Variants in FOSB observed in about 807,000 individuals in gnomAD.
The protein encoded by FOSB is FosB proto-oncogene, AP-1 transcription factor subunit, also known as protein FosB.
A neutral mutation model predicts 31.1 loss-of-function variants in FOSB; 8 were observed. The ratio of observed to expected loss-of-function variants is 0.26; its 90% CI spans 0.15 to 0.46. The LOEUF (loss-of-function observed/expected upper bound fraction) is 0.46, where lower values mean the gene tolerates loss of function less well. FOSB is among the 20% of genes least tolerant of loss of function. The pLI is 0.99. For synonymous variants in FOSB, 214 were observed against 206.1 expected (o/e 1.04, Z -0.33); for missense variants, 376 against 460.6 (o/e 0.82, Z 1.68).
At chr19:45,471,771 T>A (rs1026850881) in intron 3 of FOSB, 4 of 157,622 alleles carry the variant, frequency 2.5e-5, no homozygotes, top group African/African-American at 9.6e-5. Context: ...GCTGGTGGCA[T>A]CCCCCAAAAC....
chr19:45,468,663 T>C lies in FOSB; in HGVS notation c.77T>C (p.Leu26Pro). The stretch of plus-strand genomic sequence containing the variant: ...TCACCCTCTGCCGAGTCTCAATATC[T>C]GTCTTCGGTGGACTCCTTCGGCAGT... ...SSSPSAESQY[L>P]SSVDSFGSPP... Residue 26 changes from leucine to proline, a missense_variant, in exon 1 of 4, where the codon CTG (leucine) becomes CCG (proline). Leu to Pro is a moderately conservative substitution (Grantham distance 98). This residue lies in a region of FOSB where 193 missense variants were observed against 207.1 expected (regional missense o/e 0.93). Coordinates refer to ENST00000353609, the MANE Select transcript of FOSB (RefSeq NM_006732.3). The surrounding 1 kb of genome is among the most constrained non-coding windows in gnomAD (Gnocchi z 4.8). The C allele has an allele frequency of 6.2e-7, 1 of 1,613,546 alleles. No individual in the cohort carries two copies. The highest frequency in any genetic ancestry group is 8.5e-7 in the Non-Finnish European group (1 of 1,179,840).
chr19:45,473,134 C>T lies in FOSB; in HGVS notation c.*122C>T, dbSNP rs538143863. 5 of 851,174 alleles carry T rather than the reference C, an allele frequency of 5.9e-6. No homozygotes were observed. In the Admixed American group the frequency reaches 9.3e-5, roughly 16 times the overall value. The allele number at this position is 851,174 out of a possible 1,614,324, so 52.7% of individuals were successfully genotyped here. On this transcript the variant is annotated 3_prime_UTR_variant, in exon 4 of 4. Coordinates refer to ENST00000353609, the MANE Select transcript of FOSB (RefSeq NM_006732.3). ...AGTGGGTGTGTGGCCTCCCTGGCTC[C>T]TCCGTCTGACCCTCTGCGGCCACTG...
At position 45,472,667 on chromosome 19, in the gene FOSB, C is replaced by G. The variant is rs1274704314; in HGVS notation, c.672C>G (p.Ile224Met). Residue 224 changes from isoleucine (I) to methionine (M), a missense_variant, in exon 4 of 4, where the codon ATC (isoleucine) becomes ATG (methionine). By Grantham distance (10) the Ile-to-Met change is conservative. Around this residue, in one of 3 missense-constraint regions of FOSB, gnomAD observed 148 missense variants for 170.0 expected, o/e 0.87. Transcript: ENST00000353609. This position sits in a 1 kb window ranked among gnomAD's most constrained non-coding sequence, Gnocchi z 5.4. ...TGGCCCACAAACCGGGCTGCAAGAT[C>G]CCCTACGAAGAGGGGCCCGGGCCGG... ...VLVAHKPGCKIPYEEGPGPGP... is the reference protein window; with the variant it reads ...VLVAHKPGCKMPYEEGPGPGP... 6 of 1,601,904 alleles carry G rather than the reference C, an allele frequency of 3.7e-6. No individual in the cohort carries two copies. The highest frequency in any genetic ancestry group is 1.3e-5 in the African/African-American group (1 of 74,210).
At chr19:45,469,325 C>A (rs886089980) in intron 1 of FOSB, among the ~76,000 whole-genome samples, 2 of 152,234 alleles carry the variant, frequency 1.3e-5, no homozygotes, top group Non-Finnish European at 2.9e-5. Context: ...CCCTGACGTC[C>A]CGGGAGCGTT....
intron 3 of FOSB, 197 bp downstream of exon 3, chr19:45,471,498 C>A: frequency 2.3e-6 from 1 of 430,224 alleles, no homozygotes; most frequent in Admixed American, 3.3e-5. Context: ...ACTCCTGGTC[C>A]CCCCCCCATT....
chr19:45,471,904 C>T (rs1163592379), intron 3 of FOSB: 1 of 152,606 alleles, frequency 6.6e-6, no homozygotes, highest in East Asian at 1.9e-4. Context: ...TTTCTCTTCC[C>T]CGGGAGGTAG....
In FOSB at chr19:45,472,689, CCGGGCCCGCTGG is replaced by C. The variant is rs1295581308; in HGVS notation, c.698_709del (p.Gly233_Ala236del). The C allele has an allele frequency of 4.4e-6, 7 of 1,608,116 alleles. No individual in the cohort carries two copies. The highest frequency in any genetic ancestry group is 5.9e-6 in the Non-Finnish European group (7 of 1,177,170). ...GATCCCCTACGAAGAGGGGCCCGGG[CCGGGCCCGCTGG>C]CGGAGGTGAGAGATTTGCCGGGCTC... On this transcript the variant is annotated inframe_deletion, in exon 4 of 4. Transcript: ENST00000353609. The surrounding 1 kb of genome is among the most constrained non-coding windows in gnomAD (Gnocchi z 5.4).
At chr19:45,470,487 T>C (rs2122147987) in intron 1 of FOSB, 142 bp from the exon 2 acceptor site, 1 of 824,470 alleles carries the variant, frequency 1.2e-6, no homozygotes. Flanking sequence ...GTGTTGTGGC[T>C]TTTTCCCTGT....
In FOSB at chr19:45,472,771, C is replaced by A; in HGVS notation, c.776C>A (p.Pro259Gln). Residue 259 changes from proline to glutamine, a missense_variant, in exon 4 of 4, where the codon CCG becomes CAG. Around this residue, in one of 3 missense-constraint regions of FOSB, gnomAD observed 148 missense variants for 170.0 expected, o/e 0.87. Transcript: ENST00000353609. This position sits in a 1 kb window ranked among gnomAD's most constrained non-coding sequence, Gnocchi z 5.4. The part of the protein sequence containing the change: ...EDGFSWLLPP[P>Q]PPPPLPFQTS... ...GGCTTCAGCTGGCTGCTGCCGCCCC[C>A]GCCACCACCGCCCCTGCCCTTCCAG... is the stretch of plus-strand genomic sequence containing the variant. 1 of 1,614,002 alleles carries A rather than the reference C, an allele frequency of 6.2e-7. No homozygotes were observed. The highest frequency in any genetic ancestry group is 8.5e-7 in the Non-Finnish European group (1 of 1,179,958).
Position 45,472,538 on chromosome 19 carries a change from T to A in FOSB, c.556-13T>A, listed in dbSNP as rs1967715318. 6.6e-7 allele frequency: 1 copy of A among 1,503,980 alleles called. No individual in the cohort carries two copies. The highest frequency in any genetic ancestry group is 8.9e-7 in the Non-Finnish European group (1 of 1,127,112). The allele number at this position is 1,503,980 out of a possible 1,614,324, so 93.2% of individuals were successfully genotyped here. On this transcript the variant is annotated splice_polypyrimidine_tract_variant and intron_variant, in intron 3 of 3. Coordinates refer to ENST00000353609, the MANE Select transcript of FOSB (RefSeq NM_006732.3). The surrounding 1 kb of genome is among the most constrained non-coding windows in gnomAD (Gnocchi z 5.4). ...CCTCTCTCTCTTCTGTGACCTGGCC[T>A]CCCTGGCCTCAGGAGACAGATCAGT...
intron 1 of FOSB, among the ~76,000 whole-genome samples, chr19:45,469,488 T>G (rs537731400): frequency 6.6e-6 from 1 of 152,188 alleles, no homozygotes; most frequent in African/African-American, 2.4e-5. Context: ...AACCCGTGGT[T>G]CCTTGGCGGC....
At chr19:45,471,654 C>A in intron 3 of FOSB, 1 of 203,924 alleles carries the variant, frequency 4.9e-6, no homozygotes, top group Non-Finnish European at 1.0e-5. Flanking sequence ...TCCATCTCTG[C>A]AAACCCTCAT....
intron 1 of FOSB, among the ~76,000 whole-genome samples, chr19:45,469,412 C>T (rs1599885732): frequency 6.6e-6 from 1 of 152,386 alleles, no homozygotes. Context: ...GGGCGCACGC[C>T]TTGGCCAATC....
intron 1 of FOSB, 92 bp from the exon 2 acceptor site, chr19:45,470,537 C>T: frequency 6.9e-6 from 9 of 1,308,060 alleles, no homozygotes; most frequent in Non-Finnish European, 9.5e-6. Context: ...TGCTCACTCA[C>T]GGGGTCGGTG....
chr19:45,472,505 T>A lies in FOSB; in HGVS notation c.556-46T>A, dbSNP rs773377788. On this transcript the variant is annotated intron_variant, in intron 3 of 3. Transcript: ENST00000353609. The surrounding 1 kb of genome is among the most constrained non-coding windows in gnomAD (Gnocchi z 5.4). ...GTTTCCCGGTCACTGACATGCTTTT[T>A]TCTCCTTCCTCTCTCTCTTCTGTGA... 4 of 1,430,068 alleles carry A rather than the reference T, an allele frequency of 2.8e-6. No homozygotes were observed. The highest frequency in any genetic ancestry group is 3.7e-6 in the Non-Finnish European group (4 of 1,078,536). The allele number at this position is 1,430,068 out of a possible 1,614,324, so 88.6% of individuals were successfully genotyped here.
At position 45,468,662 on chromosome 19, in the gene FOSB, C is replaced by T. The variant is rs751240838; in HGVS notation, c.76C>T (p.Leu26=). The T allele has an allele frequency of 1.2e-6, 2 of 1,613,708 alleles. No individual in the cohort carries two copies. The highest frequency in any genetic ancestry group is 1.7e-6 in the Non-Finnish European group (2 of 1,179,940). The change falls in exon 1 of 4, where the codon CTG becomes TTG. Residue 26 remains leucine, a synonymous_variant. Transcript: ENST00000353609. The surrounding 1 kb of genome is among the most constrained non-coding windows in gnomAD (Gnocchi z 4.8). The part of the protein sequence containing the change: ...SSSPSAESQY[L]SSVDSFGSPP... The stretch of plus-strand genomic sequence containing the variant: ...CTCACCCTCTGCCGAGTCTCAATAT[C>T]TGTCTTCGGTGGACTCCTTCGGCAG...
intron 1 of FOSB, among the ~76,000 whole-genome samples, chr19:45,469,665 C>T (rs1389298625): frequency 1.3e-5 from 2 of 152,080 alleles, no homozygotes; most frequent in African/African-American, 2.4e-5. Flanking sequence ...TGGAGAGATA[C>T]GGTGGCTGTC....
rs1967623249 is a variant in FOSB, at chr19:45,470,756, A to C, written c.254A>C (p.Gln85Pro). Residue 85 changes from glutamine (Q) to proline (P), a missense_variant, in exon 2 of 4, where the codon CAG becomes CCG. Coordinates refer to ENST00000353609, the MANE Select transcript of FOSB (RefSeq NM_006732.3). ...LISSMAQSQG[Q>P]PLASQPPVVD... is the part of the protein sequence containing the mutation. ...TCTTCCATGGCCCAGTCCCAGGGGC[A>C]GCCACTGGCCTCCCAGCCCCCGGTC... The C allele has an allele frequency of 6.2e-7, 1 of 1,613,688 alleles. No individual in the cohort carries two copies. Among genetic ancestry groups the C allele is most frequent in the East Asian group, 2.2e-5 (1 of 44,874 alleles).
chr19:45,468,752 A>G lies in FOSB; in HGVS notation c.126+40A>G, dbSNP rs773139483. The G allele has an allele frequency of 1.3e-6, 2 of 1,553,776 alleles. No homozygotes were observed. Among genetic ancestry groups the G allele is most frequent in the East Asian group, 2.3e-5 (1 of 43,122 alleles). On this transcript the variant is annotated intron_variant, in intron 1 of 3. Transcript: ENST00000353609. The surrounding 1 kb of genome is among the most constrained non-coding windows in gnomAD (Gnocchi z 4.8). Reference sequence around the variant, plus strand: ...GTAGGGGTGCTGCTTTGTAGGTTTTATTTTTTAAGTCAAGGGTGAAAAGAA... The same window carrying G: ...GTAGGGGTGCTGCTTTGTAGGTTTTGTTTTTTAAGTCAAGGGTGAAAAGAA...
Sources: allele counts gnomAD v4.1 joint callset (sites outside exome capture counted in the v4.1 genomes callset), GRCh38; gene constraint gnomAD v4.1.1; regional missense constraint gnomAD v4.1.1; non-coding constraint Gnocchi (gnomAD v3.1); transcripts MANE v1.5; gene names NCBI Gene and HGNC (gene_info 2026-07-23, HGNC 2026-07-21).